The following STX11 variants were observed in gnomAD, a reference collection of about 807,000 sequenced individuals.
STX11 encodes the protein syntaxin 11.
STX11 carries 21 observed loss-of-function variants against 19.9 expected under a neutral mutation model. The ratio of observed to expected loss-of-function variants is 1.06; its 90% CI spans 0.75 to 1.52. The LOEUF (loss-of-function observed/expected upper bound fraction) is 1.52. Among genes scored for constraint, STX11 ranks in the 40% most tolerant of loss-of-function variants. The pLI, the probability that STX11 is intolerant of heterozygous loss-of-function variation, is 0.00. For missense variants in STX11, 438 were observed against 405.9 expected (o/e 1.08, Z -0.68); for synonymous variants, 193 against 174.4 (o/e 1.11, Z -0.84).
At chr6:144,156,322 CCT>C (rs2128747663) in intron 1 of STX11, among the ~76,000 whole-genome samples, 1 of 152,204 alleles carries the variant, frequency 6.6e-6, no homozygotes, top group South Asian at 2.1e-4. Flanking sequence ...CCTCGGCCTC[CCT>C]GAGTGCTGGG....
Position 144,186,769 on chromosome 6 carries a change from A to G in STX11, c.142A>G (p.Ile48Val), listed in dbSNP as rs919116181. The change falls in exon 2 of 2, where the codon ATC (isoleucine) becomes GTC (valine). Residue 48 changes from isoleucine (I) to valine (V), a missense_variant. Coordinates refer to ENST00000367568, the MANE Select transcript of STX11 (RefSeq NM_003764.4). ...CATCCTGGAGTCCCTGTACCGAGAC[A>G]TCCGGGACATTCAGGATGAAAACCA... Reference protein sequence around the residue: ...DHILESLYRDIRDIQDENQLL... With the variant: ...DHILESLYRDVRDIQDENQLL... 6.2e-7 allele frequency: 1 copy of G among 1,614,082 alleles called. No individual in the cohort carries two copies. The highest frequency in any genetic ancestry group is 8.5e-7 in the Non-Finnish European group (1 of 1,180,036).
intron 1 of STX11, among the ~76,000 whole-genome samples, chr6:144,168,088 G>C (rs1801529623): frequency 6.6e-6 from 1 of 152,228 alleles, no homozygotes; most frequent in Non-Finnish European, 1.5e-5. Context: ...CTTTCAGTCT[G>C]TATGTGCAAA....
At position 144,160,593 on chromosome 6, in the gene STX11, A is replaced by T. The variant is rs1207755050; in HGVS notation, c.-6+9890A>T. The stretch of plus-strand genomic sequence containing the variant: ...CCAAGTGCTAACATGTGCATATTTA[A>T]CCTATGAACCTCTACATTAAGTACT... On this transcript the variant is annotated intron_variant, in intron 1 of 1. Transcript: ENST00000367568. This position sits in a 1 kb window ranked among gnomAD's most constrained non-coding sequence, Gnocchi z 4.3. 1.3e-5 allele frequency among the ~76,000 whole-genome samples: 2 copies of T among 152,216 alleles called. No homozygotes were observed. Among genetic ancestry groups the T allele is most frequent in the African/African-American group, 2.4e-5 (1 of 41,446 alleles).
chr6:144,173,138 C>T (rs1402982760), intron 1 of STX11, among the ~76,000 whole-genome samples: 3 of 152,206 alleles, frequency 2.0e-5, no homozygotes, highest in Non-Finnish European at 2.9e-5. Context: ...TGGCCTAGAT[C>T]CTGATCATAA....
intron 1 of STX11, among the ~76,000 whole-genome samples, chr6:144,156,024 C>CCTTCCTTCCT (rs1562655655): frequency 1.6e-4 from 16 of 102,848 alleles, no homozygotes; most frequent in African/African-American, 8.2e-4. Flanking sequence ...CTCTCTTTCT[C>CCTTCCTTCCT]TCCTTCCTTC....
chr6:144,171,431 T>G (rs1801629023), intron 1 of STX11, among the ~76,000 whole-genome samples: 1 of 152,188 alleles, frequency 6.6e-6, no homozygotes, highest in Non-Finnish European at 1.5e-5. Context: ...TGGAGTTGTG[T>G]TTTTTGGGAA....
rs1801751032 is a variant in STX11, at chr6:144,175,256, A to G, written c.-5-11367A>G. On this transcript the variant is annotated intron_variant, in intron 1 of 1. Coordinates refer to ENST00000367568, the MANE Select transcript of STX11 (RefSeq NM_003764.4). The surrounding 1 kb of genome is among the most constrained non-coding windows in gnomAD (Gnocchi z 5.1). The stretch of plus-strand genomic sequence containing the variant: ...AGACCCTGTGTCAAACAATAATAAT[A>G]ATGATAATATAGTAAAATTAGTAGT... 6.6e-6 allele frequency among the ~76,000 whole-genome samples: 1 copy of G among 152,196 alleles called. No individual in the cohort carries two copies. Among genetic ancestry groups the G allele is most frequent in the Admixed American group, 6.5e-5 (1 of 15,286 alleles).
Position 144,150,586 on chromosome 6 carries a change from G to C in STX11, c.-123G>C, listed in dbSNP as rs1251782198. ...CTCAGCCTCGGCCGCAGGAGGCGCC[G>C]GGAGCGGAGCCGCCGGGAGTCGCGC... On this transcript the variant is annotated 5_prime_UTR_variant, in exon 1 of 2. Coordinates refer to ENST00000367568, the MANE Select transcript of STX11 (RefSeq NM_003764.4). 12 of 985,318 alleles carry C rather than the reference G, an allele frequency of 1.2e-5. No homozygotes were observed. In the Admixed American group the frequency reaches 4.3e-4, roughly 35 times the overall value. The allele number at this position is 985,318 out of a possible 1,614,324, so 61.0% of individuals were successfully genotyped here.
At chr6:144,150,397 G>C, upstream of STX11, 2 of 755,956 alleles carry the variant, frequency 2.6e-6, no homozygotes, top group South Asian at 1.2e-4. Context: ...TCTGGGTGGG[G>C]CGGGAACCCG....
rs1215344380 is a variant in STX11 at position 144,151,658 on chromosome 6, A to G, written c.-6+955A>G. 6.6e-6 allele frequency among the ~76,000 whole-genome samples: 1 copy of G among 152,218 alleles called. No individual in the cohort carries two copies. Among genetic ancestry groups the G allele is most frequent in the Admixed American group, 6.5e-5 (1 of 15,282 alleles). On this transcript the variant is annotated intron_variant, in intron 1 of 1. Coordinates refer to ENST00000367568, the MANE Select transcript of STX11 (RefSeq NM_003764.4). The surrounding 1 kb of genome is among the most constrained non-coding windows in gnomAD (Gnocchi z 4.6). ...ATCATGTGCTTTGCCACAGATGCCCAAGAGAAAATTAATTTCATTATTCAA... is the reference window on the plus strand; with the variant it reads ...ATCATGTGCTTTGCCACAGATGCCCGAGAGAAAATTAATTTCATTATTCAA...
chr6:144,159,226 A>T lies in STX11; in HGVS notation c.-6+8523A>T, dbSNP rs1801262516. Among the ~76,000 whole-genome samples, 1 of 152,206 alleles carries T rather than the reference A, an allele frequency of 6.6e-6. No homozygotes were observed. Among genetic ancestry groups the T allele is most frequent in the Non-Finnish European group, 1.5e-5 (1 of 68,044 alleles). ...CCGGGTGCTCTGGAGTAAATGGTGC[A>T]GACACAACAGGTACAGCTCCTGACC... On this transcript the variant is annotated intron_variant, in intron 1 of 1. Transcript: ENST00000367568. The surrounding 1 kb of genome is among the most constrained non-coding windows in gnomAD (Gnocchi z 4.3).
In STX11 at chr6:144,186,690, C is replaced by T. The variant is rs149176821; in HGVS notation, c.63C>T (p.Asp21=). 5.6e-6 allele frequency: 9 copies of T among 1,614,208 alleles called. No individual in the cohort carries two copies. The highest frequency in any genetic ancestry group is 1.7e-5 in the Admixed American group (1 of 60,036). The change falls in exon 2 of 2, where the codon GAC becomes GAT. Residue 21 remains aspartate (D), a synonymous_variant. Coordinates refer to ENST00000367568, the MANE Select transcript of STX11 (RefSeq NM_003764.4). The part of the protein sequence containing the change: ...LSKQYDQQFP[D]GDDEFDSPHE... ...AGCAATATGACCAGCAGTTCCCAGA[C>T]GGGGACGATGAGTTTGACTCGCCCC...
At chr6:144,179,787 A>G (rs548942458) in intron 1 of STX11, among the ~76,000 whole-genome samples, 4 of 152,372 alleles carry the variant, frequency 2.6e-5, no homozygotes, top group African/African-American at 9.6e-5. Context: ...AAGGCACCCT[A>G]TAGACCAATA....
chr6:144,187,237 C>T lies in STX11; in HGVS notation c.610C>T (p.Leu204Phe). 1 of 1,613,842 alleles carries T rather than the reference C, an allele frequency of 6.2e-7. No homozygotes were observed. Among genetic ancestry groups the T allele is most frequent in the Non-Finnish European group, 8.5e-7 (1 of 1,179,978 alleles). The change falls in exon 2 of 2, where the codon CTC (leucine) becomes TTC (phenylalanine). Residue 204 changes from leucine to phenylalanine, a missense_variant. Coordinates refer to ENST00000367568, the MANE Select transcript of STX11 (RefSeq NM_003764.4). The surrounding 1 kb of genome is among the most constrained non-coding windows in gnomAD (Gnocchi z 5.6). Reference protein sequence around the residue: ...LADVKGARAALNEIESRHREL... With the variant: ...LADVKGARAAFNEIESRHREL... The stretch of plus-strand genomic sequence containing the variant: ...CGACGTGAAGGGCGCGCGGGCCGCC[C>T]TCAACGAGATCGAGAGCCGCCACCG...
At chr6:144,181,416 G>A (rs1032643207) in intron 1 of STX11, among the ~76,000 whole-genome samples, 1 of 151,836 alleles carries the variant, frequency 6.6e-6, no homozygotes, top group Admixed American at 6.6e-5. Context: ...CCAACATGGT[G>A]AAACCCCATC....
Position 144,182,107 on chromosome 6 carries a change from T to C in STX11, c.-5-4516T>C, listed in dbSNP as rs1159193591. ...GGTCAGTGGAATTGTCTGATTTTTC[T>C]TTCTCATTTACCATAGTTCTCTTTC... is the stretch of plus-strand genomic sequence containing the variant. On this transcript the variant is annotated intron_variant, in intron 1 of 1. Transcript: ENST00000367568. The surrounding 1 kb of genome is among the most constrained non-coding windows in gnomAD (Gnocchi z 4.8). Among the ~76,000 whole-genome samples the C allele has an allele frequency of 6.6e-6, 1 of 152,220 alleles. No individual in the cohort carries two copies. The highest frequency in any genetic ancestry group is 1.5e-5 in the Non-Finnish European group (1 of 68,030).
upstream of STX11, among the ~76,000 whole-genome samples, chr6:144,149,055 ACAT>A (rs1800930316): frequency 6.6e-6 from 1 of 152,238 alleles, no homozygotes; most frequent in South Asian, 2.1e-4. The surrounding 1 kb of genome is among the most constrained non-coding windows in gnomAD (Gnocchi z 5.1). Context: ...CACATTCATC[ACAT>A]CATATTGACT....
chr6:144,148,417 A>T (rs575061107), upstream of STX11, among the ~76,000 whole-genome samples: 1 of 152,344 alleles, frequency 6.6e-6, no homozygotes, highest in Admixed American at 6.5e-5. Context: ...CATTTTTAAA[A>T]ATATAACATA....
At chr6:144,147,528 TCA>T (rs1489073048), upstream of STX11, among the ~76,000 whole-genome samples, 2 of 152,220 alleles carry the variant, frequency 1.3e-5, no homozygotes, top group African/African-American at 4.8e-5. The surrounding 1 kb of genome is among the most constrained non-coding windows in gnomAD (Gnocchi z 4.2). Flanking sequence ...ATGCCAGGAC[TCA>T]GACTTCAGAC....
Sources: gnomAD v4.1 joint callset for allele counts (sites outside exome capture counted in the v4.1 genomes callset) on GRCh38, gnomAD v4.1.1 for gene constraint, Gnocchi (gnomAD v3.1) non-coding constraint, MANE v1.5 for transcripts, NCBI Gene and HGNC (gene_info 2026-07-23, HGNC 2026-07-21) for gene names.